MARCHF8: variants seen among roughly 807,000 people sequenced by gnomAD.
MARCHF8 encodes the protein membrane associated ring-CH-type finger 8.
MARCHF8 carries 40 observed loss-of-function variants against 51.6 expected under a neutral mutation model. That is an observed-to-expected ratio of 0.77 (90% confidence interval 0.60 to 1.01). MARCHF8 has a LOEUF of 1.01. Among genes scored for constraint, MARCHF8 ranks in the 50% least tolerant of loss-of-function variants. MARCHF8 has a pLI of 0.00. For synonymous variants in MARCHF8, 263 were observed against 280.3 expected (o/e 0.94, Z 0.62); for missense variants, 685 against 708.6 (o/e 0.97, Z 0.38).
In MARCHF8 at chr10:45,457,243, G is replaced by C. The variant is rs772421591; in HGVS notation, c.*996C>G. 1.3e-5 allele frequency: 2 copies of C among 152,210 alleles called. No homozygotes were observed. The highest frequency in any genetic ancestry group is 2.9e-5 in the Non-Finnish European group (2 of 68,042). 9.4% of individuals were successfully genotyped at this position (152,210 alleles called of 1,614,324 possible). A position where few individuals can be genotyped will look rare whatever the true frequency, so the allele number is the denominator to read the frequency against. ...GAATATTTTTTAAATATTCAGTTTT[G>C]TTGTCATTACTCACTTCCTTTCCTT... On this transcript the variant is annotated 3_prime_UTR_variant, in exon 8 of 8. Transcript: ENST00000453424.
chr10:45,502,445 T>C (rs1470146253), intron 2 of MARCHF8, among the ~76,000 whole-genome samples: 1 of 152,112 alleles, frequency 6.6e-6, no homozygotes, highest in Non-Finnish European at 1.5e-5. Flanking sequence ...GAGAAGGACA[T>C]AAACCTATGC....
chr10:45,542,793 G>A (rs2133311960), intron 1 of MARCHF8, among the ~76,000 whole-genome samples: 1 of 152,316 alleles, frequency 6.6e-6, no homozygotes, highest in Non-Finnish European at 1.5e-5. Flanking sequence ...TGAGACTCAT[G>A]TGACCTTAAA....
intron 1 of MARCHF8, among the ~76,000 whole-genome samples, chr10:45,591,315 A>T (rs2044678086): frequency 6.6e-6 from 1 of 152,170 alleles, no homozygotes; most frequent in African/African-American, 2.4e-5. Flanking sequence ...AAATACAAAA[A>T]TTAGTAGGGC....
upstream of MARCHF8, among the ~76,000 whole-genome samples, chr10:45,536,323 T>C (rs1564507677): frequency 6.6e-6 from 1 of 151,968 alleles, no homozygotes; most frequent in Non-Finnish European, 1.5e-5. Flanking sequence ...TTTCAACAAA[T>C]GGTGCTGGGA....
At chr10:45,582,034 A>T (rs1169324089) in intron 1 of MARCHF8, among the ~76,000 whole-genome samples, 1 of 152,246 alleles carries the variant, frequency 6.6e-6, no homozygotes, top group East Asian at 1.9e-4. Flanking sequence ...ACGCCACAAT[A>T]TGTTTTTTAA....
At chr10:45,533,618 T>A (rs1240091659) in intron 1 of MARCHF8, among the ~76,000 whole-genome samples, 2 of 152,124 alleles carry the variant, frequency 1.3e-5, no homozygotes, top group Non-Finnish European at 2.9e-5. Context: ...CTTTTTTTTT[T>A]ATCATGACCA....
intron 1 of MARCHF8, among the ~76,000 whole-genome samples, chr10:45,587,932 G>C (rs1564525416): frequency 6.6e-6 from 1 of 151,778 alleles, no homozygotes; most frequent in African/African-American, 2.4e-5. Flanking sequence ...GGCCTCCTCG[G>C]ACAAAAAATA....
chr10:45,463,957 G>C lies in MARCHF8; in HGVS notation c.282C>G (p.Ser94=), dbSNP rs915089515. The C allele has an allele frequency of 6.5e-7, 1 of 1,535,938 alleles. No individual in the cohort carries two copies. The highest frequency in any genetic ancestry group is 2.0e-5 in the Admixed American group (1 of 50,976). ...CTTTCGAGACAACAGCAGACTGCACGGAACTGTGGTGACAACACTCAGAAA... is the reference window on the plus strand; with the variant it reads ...CTTTCGAGACAACAGCAGACTGCACCGAACTGTGGTGACAACACTCAGAAA... ...AVFSECCHHS[S]VQSAVVSKAP... is the part of the protein sequence containing the mutation. The change falls in exon 5 of 8, where the codon TCC becomes TCG. Residue 94 remains serine, a synonymous_variant. Coordinates refer to ENST00000453424, the MANE Select transcript of MARCHF8 (RefSeq NM_001282866.2).
chr10:45,457,527 A>C lies in MARCHF8; in HGVS notation c.*712T>G, dbSNP rs570146219. On this transcript the variant is annotated 3_prime_UTR_variant, in exon 8 of 8. Transcript: ENST00000453424. The stretch of plus-strand genomic sequence containing the variant: ...ACGCTTCTTAGCATATGTAAGGCAA[A>C]ATGGATTTTTGATCTCTCATGATGT... 6.5e-6 allele frequency: 1 copy of C among 152,738 alleles called. No individual in the cohort carries two copies. Among genetic ancestry groups the C allele is most frequent in the African/African-American group, 2.4e-5 (1 of 41,560 alleles). 9.5% of individuals were successfully genotyped at this position (152,738 alleles called of 1,614,324 possible).
rs1209449149 is a variant in MARCHF8 at position 45,506,714 on chromosome 10, CA to C, written c.103-17298del. On this transcript the variant is annotated intron_variant, in intron 2 of 7. Coordinates refer to ENST00000453424, the MANE Select transcript of MARCHF8 (RefSeq NM_001282866.2). ...GACCACCAAACAGGCTTTGTGTGAG[CA>C]AGAAAGCTTTTTAATCACCTGGGTG... 2.6e-5 allele frequency among the ~76,000 whole-genome samples: 4 copies of C among 152,142 alleles called. No homozygotes were observed. In the South Asian group the frequency reaches 8.3e-4, roughly 32 times the overall value.
intron 1 of MARCHF8, among the ~76,000 whole-genome samples, chr10:45,558,707 C>G (rs1459493447): frequency 6.6e-6 from 1 of 152,192 alleles, no homozygotes; most frequent in Non-Finnish European, 1.5e-5. Context: ...TGTGTACATA[C>G]AAACATACAT....
At chr10:45,475,185 C>T (rs2042764439) in intron 3 of MARCHF8, among the ~76,000 whole-genome samples, 2 of 152,218 alleles carry the variant, frequency 1.3e-5, no homozygotes, top group Non-Finnish European at 2.9e-5. Context: ...CCTGCTGCTT[C>T]CAGCAGTGAA....
intron 3 of MARCHF8, among the ~76,000 whole-genome samples, chr10:45,479,275 A>G (rs1055002031): frequency 2.6e-5 from 4 of 152,232 alleles, no homozygotes; most frequent in African/African-American, 9.6e-5. Flanking sequence ...CAGAAAAGGC[A>G]TTTGGTAAAA....
intron 2 of MARCHF8, among the ~76,000 whole-genome samples, chr10:45,504,898 C>G (rs542251152): frequency 6.6e-6 from 1 of 152,178 alleles, no homozygotes; most frequent in East Asian, 1.9e-4. Flanking sequence ...GGGGCTTATA[C>G]TGAGTGGCCA....
intron 2 of MARCHF8, among the ~76,000 whole-genome samples, chr10:45,532,497 C>A (rs142280812): frequency 1.2e-4 from 19 of 152,166 alleles, no homozygotes; most frequent in African/African-American, 4.1e-4. Flanking sequence ...AGGGGTGGAA[C>A]CCTCTCCATG....
At chr10:45,577,883 T>A (rs1242263759) in intron 1 of MARCHF8, among the ~76,000 whole-genome samples, 1 of 152,204 alleles carries the variant, frequency 6.6e-6, no homozygotes, top group Non-Finnish European at 1.5e-5. Context: ...TAGCTGGGCA[T>A]GGTGGCCCAT....
intron 3 of MARCHF8, among the ~76,000 whole-genome samples, chr10:45,473,674 T>G (rs919477484): frequency 1.3e-5 from 2 of 152,168 alleles, no homozygotes; most frequent in Non-Finnish European, 1.5e-5. Flanking sequence ...ATTAAAGAAA[T>G]TCCAGCTGAA....
chr10:45,480,368 T>C (rs1435352290), intron 3 of MARCHF8, among the ~76,000 whole-genome samples: 4 of 152,170 alleles, frequency 2.6e-5, no homozygotes, highest in Non-Finnish European at 5.9e-5. Context: ...TTTGCCTAAG[T>C]AACGAAGAGC....
At chr10:45,538,387 G>C (rs536083163), upstream of MARCHF8, among the ~76,000 whole-genome samples, 13 of 152,138 alleles carry the variant, frequency 8.5e-5, no homozygotes, top group African/African-American at 3.1e-4. Context: ...GACCATCAAG[G>C]CTAGGAAGAA....
Sources: allele counts gnomAD v4.1 joint callset (sites outside exome capture counted in the v4.1 genomes callset), GRCh38; gene constraint gnomAD v4.1.1; transcripts MANE v1.5; gene names NCBI Gene and HGNC (gene_info 2026-07-23, HGNC 2026-07-21).